RNF168: variants seen among roughly 807,000 people sequenced by gnomAD.
The protein encoded by RNF168 is ring finger protein 168.
In RNF168, 34 loss-of-function variants were observed where a neutral mutation model predicts 34.9. The ratio of observed to expected loss-of-function variants is 0.97; its 90% CI spans 0.74 to 1.30. The LOEUF (loss-of-function observed/expected upper bound fraction) is 1.30. RNF168 is among the 50% of genes most tolerant of loss of function. The pLI, the probability that RNF168 is intolerant of heterozygous loss-of-function variation, is 0.00. For synonymous variants in RNF168, 264 were observed against 254.7 expected (o/e 1.04, Z -0.35); for missense variants, 725 against 682.5 (o/e 1.06, Z -0.69).
chr3:196,503,761 G>C lies in RNF168; in HGVS notation c.-588C>G, dbSNP rs996481674. On this transcript the variant is annotated 5_prime_UTR_variant, in exon 1 of 6. Coordinates refer to ENST00000318037, the MANE Select transcript of RNF168 (RefSeq NM_152617.4). Reference sequence around the variant, plus strand: ...TCGTTGCGGCAGCGCAGCAGCCACCGGACAAGCGCTAGCAACGTCACAACC... The same window carrying C: ...TCGTTGCGGCAGCGCAGCAGCCACCCGACAAGCGCTAGCAACGTCACAACC... 6.3e-6 allele frequency: 1 copy of C among 159,084 alleles called. No individual in the cohort carries two copies. Among genetic ancestry groups the C allele is most frequent in the Non-Finnish European group, 1.4e-5 (1 of 71,884 alleles). The allele number at this position is 159,084 out of a possible 1,614,324, so 9.9% of individuals were successfully genotyped here.
At position 196,469,940 on chromosome 3, in the gene RNF168, TAG is replaced by T. The variant is rs781388537; in HGVS notation, c.*1877_*1878del. Reference sequence around the variant, plus strand: ...AACTAATTTTGATTCTGATGCCTGATAGTAGGGTGTGAAAAGCTGTAAAACCC... The same window carrying T: ...AACTAATTTTGATTCTGATGCCTGATTAGGGTGTGAAAAGCTGTAAAACCC... On this transcript the variant is annotated 3_prime_UTR_variant, in exon 6 of 6. Coordinates refer to ENST00000318037, the MANE Select transcript of RNF168 (RefSeq NM_152617.4). 1 of 148,558 alleles carries T rather than the reference TAG, an allele frequency of 6.7e-6. No homozygotes were observed. Among genetic ancestry groups the T allele is most frequent in the Admixed American group, 6.7e-5 (1 of 14,872 alleles). The allele number at this position is 148,558 out of a possible 1,614,324, so 9.2% of individuals were successfully genotyped here.
At chr3:196,493,774 T>C (rs1732667362) in intron 1 of RNF168, among the ~76,000 whole-genome samples, 1 of 151,932 alleles carries the variant, frequency 6.6e-6, no homozygotes, top group African/African-American at 2.4e-5. Flanking sequence ...GTGATCCACC[T>C]GCCTTCCAAA....
chr3:196,496,742 G>A (rs1176723939), intron 1 of RNF168, among the ~76,000 whole-genome samples: 3 of 152,194 alleles, frequency 2.0e-5, no homozygotes, highest in African/African-American at 7.2e-5. Flanking sequence ...GGCGGTTCAG[G>A]CCTGTAATTC....
At chr3:196,485,480 CTCT>C (rs1415097301) in intron 3 of RNF168, among the ~76,000 whole-genome samples, 2 of 130,680 alleles carry the variant, frequency 1.5e-5, no homozygotes, top group African/African-American at 3.2e-5. Flanking sequence ...CAGAGTGAGA[CTCT>C]TGTCTCAAAA....
rs2108657433 is a variant in RNF168 at position 196,503,018 on chromosome 3, G to A, written c.156C>T (p.Pro52=). 2 of 1,614,126 alleles carry A rather than the reference G, an allele frequency of 1.2e-6. No homozygotes were observed. The highest frequency in any genetic ancestry group is 8.5e-7 in the Non-Finnish European group (1 of 1,180,030). ...ACGACGATACCCGGCGGCGACAGAA[G>A]GGACAGCATAAACTCGCCTTTTCGA... ...STVEKASLCC[P]FCRRRVSSWT... The change falls in exon 1 of 6, where the codon CCC becomes CCT. Residue 52 remains proline, a synonymous_variant. Coordinates refer to ENST00000318037, the MANE Select transcript of RNF168 (RefSeq NM_152617.4).
chr3:196,473,028 A>C (rs1160543079), intron 5 of RNF168, among the ~76,000 whole-genome samples: 1 of 151,996 alleles, frequency 6.6e-6, no homozygotes, highest in Non-Finnish European at 1.5e-5. Context: ...CAGCCTCCCA[A>C]ATAGGTGTAT....
intron 3 of RNF168, among the ~76,000 whole-genome samples, chr3:196,486,153 T>C (rs1275255593): frequency 6.6e-6 from 1 of 152,212 alleles, no homozygotes; most frequent in Non-Finnish European, 1.5e-5. Context: ...TAATACATTA[T>C]CTAAAAATTT....
intron 2 of RNF168, among the ~76,000 whole-genome samples, 190 bp downstream of exon 2, chr3:196,488,417 G>C (rs1472193520): frequency 6.6e-6 from 1 of 151,940 alleles, no homozygotes; most frequent in Non-Finnish European, 1.5e-5. Context: ...GGGAGGTGGA[G>C]GTTGCAGTGA....
chr3:196,479,698 C>G (rs548683276), intron 4 of RNF168, among the ~76,000 whole-genome samples: 1 of 151,808 alleles, frequency 6.6e-6, no homozygotes, highest in Non-Finnish European at 1.5e-5. Context: ...TCAAGCAATT[C>G]TCCTGGCTCA....
chr3:196,500,455 G>A (rs996782328), intron 1 of RNF168, among the ~76,000 whole-genome samples: 4 of 152,100 alleles, frequency 2.6e-5, no homozygotes, highest in South Asian at 2.1e-4. Context: ...AGAAGCAGTC[G>A]GGTTCACAGA....
chr3:196,480,101 A>C (rs893839075), intron 4 of RNF168, among the ~76,000 whole-genome samples: 1 of 152,218 alleles, frequency 6.6e-6, no homozygotes, highest in Non-Finnish European at 1.5e-5. Context: ...TACACACACA[A>C]AAATTCACCA....
In RNF168 at chr3:196,472,620, A is replaced by G. The variant is rs965004465; in HGVS notation, c.915T>C (p.Gly305=). 4 of 1,613,814 alleles carry G rather than the reference A, an allele frequency of 2.5e-6. No individual in the cohort carries two copies. Among genetic ancestry groups the G allele is most frequent in the Non-Finnish European group, 3.4e-6 (4 of 1,179,808 alleles). The change falls in exon 6 of 6, where the codon GGT becomes GGC. Residue 305 remains glycine (G), a synonymous_variant. Coordinates refer to ENST00000318037, the MANE Select transcript of RNF168 (RefSeq NM_152617.4). ...CGTTTCCTTCATGGTACCATTCGGCACCACAGGCACATAACCATGGCATAG... is the reference window on the plus strand; with the variant it reads ...CGTTTCCTTCATGGTACCATTCGGCGCCACAGGCACATAACCATGGCATAG... ...ESPMPWLCAC[G]AEWYHEGNVK... is the part of the protein sequence containing the mutation.
chr3:196,491,607 C>G (rs183539219), intron 1 of RNF168, among the ~76,000 whole-genome samples: 1 of 152,254 alleles, frequency 6.6e-6, no homozygotes, highest in East Asian at 1.9e-4. Context: ...GATCACGCCA[C>G]TGCACTCCAG....
chr3:196,498,992 C>CAA (rs1247376784), intron 1 of RNF168, among the ~76,000 whole-genome samples: 3 of 132,518 alleles, frequency 2.3e-5, no homozygotes, highest in Admixed American at 7.6e-5. Flanking sequence ...AAGACTGTCT[C>CAA]AAAAAAAAAA....
At chr3:196,472,978 T>G in intron 5 of RNF168, among the ~76,000 whole-genome samples, 1 of 152,192 alleles carries the variant, frequency 6.6e-6, no homozygotes, top group African/African-American at 2.4e-5. Flanking sequence ...CTCAGCTCAC[T>G]GCAACCTTCA....
In RNF168 at chr3:196,487,573, C is replaced by T. The variant is rs372627713; in HGVS notation, c.384G>A (p.Ala128=). The T allele has an allele frequency of 2.5e-5, 40 of 1,614,044 alleles. No individual in the cohort carries two copies. In the African/African-American group the frequency reaches 4.4e-4, roughly 18 times the overall value. ...CTTCCTCGCTGGCCCGTCGCTCTGC[C>T]GCCACCTTAAAAGTGATTAATAAAG... is the stretch of plus-strand genomic sequence containing the variant. The part of the protein sequence containing the change: ...REYEEEISKV[A]AERRASEEEE... The change falls in exon 3 of 6, where the codon GCG becomes GCA. Residue 128 remains alanine (A), a synonymous_variant. Transcript: ENST00000318037.
intron 4 of RNF168, among the ~76,000 whole-genome samples, chr3:196,479,605 G>A (rs899714419): frequency 3.3e-5 from 5 of 150,726 alleles, no homozygotes; most frequent in Admixed American, 2.0e-4. Context: ...CCAGCCTCAC[G>A]CTTTTTTTTT....
Position 196,499,932 on chromosome 3 carries a change from T to C in RNF168, c.301+2941A>G, listed in dbSNP as rs181756838. ...TCGCCATCCTTAGTCATTGGGGACA[T>C]GCAAATAAAAACCACAATGGGATAC... On this transcript the variant is annotated intron_variant, in intron 1 of 5. Transcript: ENST00000318037. Among the ~76,000 whole-genome samples, 3 of 152,232 alleles carry C rather than the reference T, an allele frequency of 2.0e-5. No individual in the cohort carries two copies. The East Asian group carries it at 5.8e-4, about 29-fold the overall frequency.
In RNF168 at chr3:196,469,630, T is replaced by G. The variant is rs1731952975; in HGVS notation, c.*2189A>C. ...TTGTTCATATTAATGAAACAAAAGA[T>G]CAATAGTCTCTGAGCTAAATTTCAC... On this transcript the variant is annotated 3_prime_UTR_variant, in exon 6 of 6. Transcript: ENST00000318037. 6.6e-6 allele frequency: 1 copy of G among 152,168 alleles called. No homozygotes were observed. Among genetic ancestry groups the G allele is most frequent in the East Asian group, 1.9e-4 (1 of 5,202 alleles). The allele number at this position is 152,168 out of a possible 1,614,324, so 9.4% of individuals were successfully genotyped here.
Sources: allele counts gnomAD v4.1 joint callset (sites outside exome capture counted in the v4.1 genomes callset), GRCh38; gene constraint gnomAD v4.1.1; transcripts MANE v1.5; gene names NCBI Gene and HGNC (gene_info 2026-07-23, HGNC 2026-07-21).